PCDHGB1: variants seen among roughly 807,000 people sequenced by gnomAD.
The protein encoded by PCDHGB1 is protocadherin gamma-B1.
PCDHGB1 carries 34 observed loss-of-function variants against 56.6 expected under a neutral mutation model. The observed-to-expected ratio is 0.60, with a 90% CI of 0.46 to 0.80. The LOEUF is 0.80. PCDHGB1 is among the 30% of genes least tolerant of loss of function. The pLI is 0.00. For missense variants in PCDHGB1, 1,278 were observed against 1,204.6 expected, an observed-to-expected ratio of 1.06 and a Z score of -0.90; for synonymous variants, 561 against 505.9, an observed-to-expected ratio of 1.11 and a Z score of -1.46.
intron 3 of PCDHGB1, among the ~76,000 whole-genome samples, chr5:141,507,582 T>G (rs1221383898): frequency 6.6e-6 from 1 of 152,264 alleles, no homozygotes; most frequent in Non-Finnish European, 1.5e-5. Flanking sequence ...AGATGCCAAG[T>G]TGGCCTCTTG....
rs1166702741 is a variant in PCDHGB1 at position 141,351,458 on chromosome 5, C to G, written c.1198C>G (p.Leu400Val). The change falls in exon 1 of 4, where the codon CTG becomes GTG. Residue 400 changes from leucine (L) to valine (V), a missense_variant. Coordinates refer to ENST00000523390, the MANE Select transcript of PCDHGB1 (RefSeq NM_018922.3). ...LESTSKNYYK[L>V]VIAGALNREQ... Reference sequence around the variant, plus strand: ...ATCCACCTCGAAGAATTATTACAAGCTGGTGATTGCTGGAGCCCTAAACCG... The same window carrying G: ...ATCCACCTCGAAGAATTATTACAAGGTGGTGATTGCTGGAGCCCTAAACCG... 6.2e-7 allele frequency: 1 copy of G among 1,613,310 alleles called. No homozygotes were observed. The highest frequency in any genetic ancestry group is 1.7e-5 in the Admixed American group (1 of 59,886).
In PCDHGB1 at chr5:141,415,309, G is replaced by C. The variant is rs199689792; in HGVS notation, c.2409+62640G>C. 3.4e-5 allele frequency: 55 copies of C among 1,614,098 alleles called. No homozygotes were observed. Among genetic ancestry groups the C allele is most frequent in the Middle Eastern group, 1.6e-4 (1 of 6,084 alleles). On this transcript the variant is annotated intron_variant, in intron 1 of 3. Transcript: ENST00000523390. ...GGTCTCCTGCGTCTTCCTGGCCTTC[G>C]TCATCGTGCTGCTGGCGCACAGGCT...
At position 141,410,750 on chromosome 5, in the gene PCDHGB1, A is replaced by G. The variant is rs1256862831; in HGVS notation, c.2409+58081A>G. Reference sequence around the variant, plus strand: ...CATAGCTTTTTACAATATTTTCTCAATGTTTTTTCAATTATAGTTTTCACT... The same window carrying G: ...CATAGCTTTTTACAATATTTTCTCAGTGTTTTTTCAATTATAGTTTTCACT... On this transcript the variant is annotated intron_variant, in intron 1 of 3. Coordinates refer to ENST00000523390, the MANE Select transcript of PCDHGB1 (RefSeq NM_018922.3). 23 of 1,243,022 alleles carry G rather than the reference A, an allele frequency of 1.9e-5. No homozygotes were observed. The East Asian group carries it at 4.4e-4, about 24-fold the overall frequency. 77.0% of individuals were successfully genotyped at this position (1,243,022 alleles called of 1,614,324 possible). A position where few individuals can be genotyped will look rare whatever the true frequency, so the allele number is the denominator to read the frequency against.
intron 1 of PCDHGB1, chr5:141,371,564 C>A (rs1767846992): frequency 6.2e-7 from 1 of 1,613,816 alleles, no homozygotes; most frequent in Admixed American, 1.7e-5. Flanking sequence ...AAGGAAACTT[C>A]CCCTTTAAAA....
intron 1 of PCDHGB1, chr5:141,399,489 A>G (rs764497801): frequency 2.5e-6 from 4 of 1,614,008 alleles, no homozygotes; most frequent in South Asian, 1.1e-5. Context: ...CGTCCTACTT[A>G]GTCAGTGTAC....
intron 1 of PCDHGB1, chr5:141,376,398 A>C (rs1266114748): frequency 6.2e-7 from 1 of 1,614,080 alleles, no homozygotes; most frequent in Admixed American, 1.7e-5. Context: ...ATTTTCCCCC[A>C]GCCCAACTAT....
chr5:141,372,392 T>C (rs1768728273), intron 1 of PCDHGB1: 25 of 1,614,052 alleles, frequency 1.5e-5, no homozygotes, highest in Non-Finnish European at 2.1e-5. Context: ...TCTTCGCAGA[T>C]AGCTTGCAAG....
At chr5:141,360,953 T>G in intron 1 of PCDHGB1, 1 of 1,613,930 alleles carries the variant, frequency 6.2e-7, no homozygotes, top group Non-Finnish European at 8.5e-7. Context: ...GATGAAGGCA[T>G]AAACGCAGAG....
At position 141,485,833 on chromosome 5, in the gene PCDHGB1, G is replaced by A. The variant is rs780944737; in HGVS notation, c.2410-8974G>A. 64 of 1,613,904 alleles carry A rather than the reference G, an allele frequency of 4.0e-5. No homozygotes were observed. Among genetic ancestry groups the A allele is most frequent in the Non-Finnish European group, 2.5e-6 (3 of 1,180,004 alleles). On this transcript the variant is annotated intron_variant, in intron 1 of 3. Coordinates refer to ENST00000523390, the MANE Select transcript of PCDHGB1 (RefSeq NM_018922.3). This position sits in a 1 kb window ranked among gnomAD's most constrained non-coding sequence, Gnocchi z 5.7. Reference sequence around the variant, plus strand: ...TGACTGCTGTCGATGGAGGGAACCCGCCGAGATCTGGCACCGCAGAGCTCC... The same window carrying A: ...TGACTGCTGTCGATGGAGGGAACCCACCGAGATCTGGCACCGCAGAGCTCC...
chr5:141,384,673 G>A (rs1029531424), intron 1 of PCDHGB1: 2 of 1,614,108 alleles, frequency 1.2e-6, no homozygotes, highest in South Asian at 1.1e-5. Context: ...GACCAAGGTG[G>A]TGGCGGTGGA....
intron 1 of PCDHGB1, chr5:141,355,824 C>T (rs1359951583): frequency 1.9e-6 from 3 of 1,612,804 alleles, no homozygotes; most frequent in Non-Finnish European, 2.5e-6. Context: ...AGGCGGTTCA[C>T]CACCTCGTTC....
In PCDHGB1 at chr5:141,387,802, G is replaced by A. The variant is rs916959942; in HGVS notation, c.2409+35133G>A. 2.0e-6 allele frequency: 3 copies of A among 1,511,984 alleles called. No homozygotes were observed. The Admixed American group carries it at 7.0e-5, about 35-fold the overall frequency. 93.7% of individuals were successfully genotyped at this position (1,511,984 alleles called of 1,614,324 possible). On this transcript the variant is annotated intron_variant, in intron 1 of 3. Coordinates refer to ENST00000523390, the MANE Select transcript of PCDHGB1 (RefSeq NM_018922.3). ...CTGGAACTGCAACTAAAGTCCGTTC[G>A]GAGATCCAAAAATCTGCAATACAGA...
intron 1 of PCDHGB1, among the ~76,000 whole-genome samples, chr5:141,435,885 C>T (rs2097784639): frequency 6.6e-6 from 1 of 152,088 alleles, no homozygotes; most frequent in Non-Finnish European, 1.5e-5. Context: ...TTGGAAACCC[C>T]TTAGAGAATG....
At position 141,423,722 on chromosome 5, in the gene PCDHGB1, G is replaced by A. The variant is rs541297269; in HGVS notation, c.2409+71053G>A. Reference sequence around the variant, plus strand: ...CTTGGCACAAGTCTTTTAAGGAGATGTTTTTTGAGCCTGTTATGAAAACTG... The same window carrying A: ...CTTGGCACAAGTCTTTTAAGGAGATATTTTTTGAGCCTGTTATGAAAACTG... On this transcript the variant is annotated intron_variant, in intron 1 of 3. Coordinates refer to ENST00000523390, the MANE Select transcript of PCDHGB1 (RefSeq NM_018922.3). 5 of 954,184 alleles carry A rather than the reference G, an allele frequency of 5.2e-6. No individual in the cohort carries two copies. In the African/African-American group the frequency reaches 6.3e-5, roughly 12 times the overall value. The allele number at this position is 954,184 out of a possible 1,614,324, so 59.1% of individuals were successfully genotyped here.
In PCDHGB1 at chr5:141,404,750, C is replaced by G. The variant is rs1321458841; in HGVS notation, c.2409+52081C>G. The stretch of plus-strand genomic sequence containing the variant: ...GGTGGCAGTGGACAGAGACTCAGGC[C>G]AGAATGCTTGGCTCTCCTACCGCCT... On this transcript the variant is annotated intron_variant, in intron 1 of 3. Coordinates refer to ENST00000523390, the MANE Select transcript of PCDHGB1 (RefSeq NM_018922.3). 10 of 1,613,702 alleles carry G rather than the reference C, an allele frequency of 6.2e-6. No homozygotes were observed. In the African/African-American group the frequency reaches 1.3e-4, roughly 22 times the overall value.
intron 1 of PCDHGB1, chr5:141,427,050 G>A (rs974721070): frequency 4.4e-6 from 2 of 457,372 alleles, no homozygotes; most frequent in Non-Finnish European, 4.4e-6. Flanking sequence ...TGTGCCCCCA[G>A]GCACCTCTGT....
intron 1 of PCDHGB1, chr5:141,377,681 T>C (rs1458996309): frequency 6.6e-6 from 1 of 152,182 alleles, no homozygotes; most frequent in Non-Finnish European, 1.5e-5. Flanking sequence ...ACAAGAGATC[T>C]TTCACCTTTA....
At chr5:141,460,989 A>G (rs199888312) in intron 1 of PCDHGB1, among the ~76,000 whole-genome samples, 3,445 of 98,242 alleles carry the variant, frequency 0.035, 55 homozygotes, top group African/African-American at 0.064. Context: ...GTGTGTATAT[A>G]TATATATGTG....
At position 141,352,503 on chromosome 5, in the gene PCDHGB1, A is replaced by T; in HGVS notation, c.2243A>T (p.Tyr748Phe). The T allele has an allele frequency of 6.2e-7, 1 of 1,613,992 alleles. No individual in the cohort carries two copies. Among genetic ancestry groups the T allele is most frequent in the South Asian group, 1.1e-5 (1 of 91,080 alleles). ...AGCGAGGGGACTTTGCCCTATTCCT[A>T]CAATCTATGTATTGCCTCTCATTCT... is the stretch of plus-strand genomic sequence containing the variant. ...NHSEGTLPYS[Y>F]NLCIASHSAK... The change falls in exon 1 of 4, where the codon TAC becomes TTC. Residue 748 changes from tyrosine (Y) to phenylalanine (F), a missense_variant. By Grantham distance (22) the Tyr-to-Phe change is conservative. Coordinates refer to ENST00000523390, the MANE Select transcript of PCDHGB1 (RefSeq NM_018922.3).
Sources: allele counts gnomAD v4.1 joint callset (sites outside exome capture counted in the v4.1 genomes callset), GRCh38; gene constraint gnomAD v4.1.1; non-coding constraint Gnocchi (gnomAD v3.1); transcripts MANE v1.5; gene names NCBI Gene and HGNC (gene_info 2026-07-23, HGNC 2026-07-21).